Variants in CRISP1 observed in about 807,000 individuals in gnomAD.
The protein encoded by CRISP1 is cysteine rich secretory protein 1.
CRISP1 carries 44 observed loss-of-function variants against 33.1 expected under a neutral mutation model. That is an observed-to-expected ratio of 1.33 (90% confidence interval 1.05 to 1.71). The LOEUF (loss-of-function observed/expected upper bound fraction) is 1.71, where lower values mean the gene tolerates loss of function less well. Ranked by LOEUF, CRISP1 falls within the 40% of genes most tolerant of loss-of-function variation. CRISP1 has a pLI of 0.00. For synonymous variants in CRISP1, 103 were observed against 98.7 expected, an observed-to-expected ratio of 1.04 and a Z score of -0.26; for missense variants, 390 against 301.2, an observed-to-expected ratio of 1.29 and a Z score of -2.18.
Position 49,857,355 on chromosome 6 carries a change from G to A in CRISP1, c.46C>T (p.Leu16=). Residue 16 remains leucine (L), a synonymous_variant, in exon 2 of 8, where the codon CTG becomes TTG. Coordinates refer to ENST00000335847, the MANE Select transcript of CRISP1 (RefSeq NM_001131.3). ...LLFLVAAACL[L]PMLSMKKKSA... ...CATACTTTCATGGACAACATAGGCA[G>A]TAAGCAAGCAGCAGCAACCAAAAAC... is the stretch of plus-strand genomic sequence containing the variant. The A allele has an allele frequency of 3.1e-6, 5 of 1,613,004 alleles. No homozygotes were observed. Among genetic ancestry groups the A allele is most frequent in the Non-Finnish European group, 3.4e-6 (4 of 1,179,264 alleles).
intron 1 of CRISP1, among the ~76,000 whole-genome samples, chr6:49,862,604 G>A (rs1370882509): frequency 6.6e-6 from 1 of 152,084 alleles, no homozygotes; most frequent in East Asian, 1.9e-4. Context: ...TCTTGAGAAT[G>A]ATTATGGGAT....
chr6:49,847,046 A>C (rs542894496), intron 4 of CRISP1, among the ~76,000 whole-genome samples: 2 of 152,132 alleles, frequency 1.3e-5, no homozygotes, highest in African/African-American at 4.8e-5. Context: ...TTGAATAAAC[A>C]TTTGTTTATT....
At chr6:49,844,820 TG>T in intron 5 of CRISP1, among the ~76,000 whole-genome samples, 1 of 152,338 alleles carries the variant, frequency 6.6e-6, no homozygotes. Flanking sequence ...CCTGTCTTTC[TG>T]TTGTACTATG....
intron 1 of CRISP1, among the ~76,000 whole-genome samples, chr6:49,875,320 T>TAAAATA (rs1772013072): frequency 6.6e-6 from 1 of 151,136 alleles, no homozygotes; most frequent in Non-Finnish European, 1.5e-5. Flanking sequence ...CACAATTGCT[T>TAAAATA]CCTAGGAATA....
chr6:49,856,850 T>C (rs1426704673), intron 2 of CRISP1, among the ~76,000 whole-genome samples: 1 of 152,154 alleles, frequency 6.6e-6, no homozygotes, highest in Non-Finnish European at 1.5e-5. Flanking sequence ...GTGAGATTAT[T>C]GTTTTTAATT....
chr6:49,863,975 T>C (rs1322823660), intron 1 of CRISP1, among the ~76,000 whole-genome samples: 2 of 152,194 alleles, frequency 1.3e-5, no homozygotes, highest in Non-Finnish European at 2.9e-5. Context: ...GATTTACAAC[T>C]ATGTATATGC....
chr6:49,867,649 A>G (rs950446054), upstream of CRISP1, among the ~76,000 whole-genome samples: 1 of 152,030 alleles, frequency 6.6e-6, no homozygotes, highest in Non-Finnish European at 1.5e-5. Context: ...TGTCCAGAAA[A>G]CCATCTGCAG....
intron 1 of CRISP1, among the ~76,000 whole-genome samples, chr6:49,860,173 G>A (rs1771607765): frequency 6.6e-6 from 1 of 152,012 alleles, no homozygotes; most frequent in South Asian, 2.1e-4. Flanking sequence ...CTATAATAGT[G>A]GGGACTTCAA....
At chr6:49,863,882 G>A (rs894671444) in intron 1 of CRISP1, among the ~76,000 whole-genome samples, 6 of 152,178 alleles carry the variant, frequency 3.9e-5, no homozygotes, top group African/African-American at 1.4e-4. Context: ...TCACCTCAGT[G>A]AATCTGTTAT....
In CRISP1 at chr6:49,857,403, C is replaced by T. The variant is rs753795933; in HGVS notation, c.-2-1G>A. ...AACAAGAGGTGTTTAATTTCCATCC[C>T]TGAAAGAAAAATAACACAATTTTAG... On this transcript the variant is annotated splice_acceptor_variant, in intron 1 of 7. Coordinates refer to ENST00000335847, the MANE Select transcript of CRISP1 (RefSeq NM_001131.3). LOFTEE classifies it low-confidence loss of function (5UTR_SPLICE). The T allele has an allele frequency of 3.1e-6, 5 of 1,611,674 alleles. No homozygotes were observed. Among genetic ancestry groups the T allele is most frequent in the Non-Finnish European group, 4.2e-6 (5 of 1,178,492 alleles).
At chr6:49,874,188 T>C (rs911426619) in intron 1 of CRISP1, among the ~76,000 whole-genome samples, 2 of 152,106 alleles carry the variant, frequency 1.3e-5, no homozygotes, top group African/African-American at 4.8e-5. Context: ...TAGTTATTAC[T>C]ATCAATGATA....
At chr6:49,872,845 G>A (rs945289263) in intron 1 of CRISP1, among the ~76,000 whole-genome samples, 4 of 152,102 alleles carry the variant, frequency 2.6e-5, no homozygotes, top group African/African-American at 7.2e-5. Context: ...GATGCCTCCA[G>A]CTTTGTTCTT....
At chr6:49,858,203 A>T (rs1771546616) in intron 1 of CRISP1, among the ~76,000 whole-genome samples, 1 of 152,198 alleles carries the variant, frequency 6.6e-6, no homozygotes, top group South Asian at 2.1e-4. Flanking sequence ...CATGGTTGTC[A>T]TTATGAGTCA....
chr6:49,857,744 C>T (rs182050540), intron 1 of CRISP1, among the ~76,000 whole-genome samples: 4 of 152,170 alleles, frequency 2.6e-5, no homozygotes, highest in Non-Finnish European at 4.4e-5. Context: ...CCTAGGTGGA[C>T]CCAATGTAAT....
intron 1 of CRISP1, among the ~76,000 whole-genome samples, chr6:49,861,611 C>T (rs1024730241): frequency 1.4e-4 from 22 of 152,094 alleles, no homozygotes; most frequent in Admixed American, 8.5e-4. Context: ...CGGCCAGGCA[C>T]GGTAACTCAC....
intron 1 of CRISP1, among the ~76,000 whole-genome samples, chr6:49,873,696 G>T (rs1234757511): frequency 1.3e-5 from 2 of 151,984 alleles, no homozygotes; most frequent in Non-Finnish European, 2.9e-5. Context: ...ATTATGTATT[G>T]CTTATATTAT....
At chr6:49,875,912 A>G (rs1297196455) in intron 1 of CRISP1, among the ~76,000 whole-genome samples, 2 of 152,150 alleles carry the variant, frequency 1.3e-5, no homozygotes, top group Admixed American at 1.3e-4. Context: ...TGGATTAAAG[A>G]CTTAAACGTC....
intron 2 of CRISP1, among the ~76,000 whole-genome samples, chr6:49,855,844 C>T (rs1222523127): frequency 6.6e-6 from 1 of 152,068 alleles, no homozygotes. Flanking sequence ...AAAAAGAAAG[C>T]ATAATACTAC....
In CRISP1 at chr6:49,834,743, CT is replaced by C. The variant is rs1770726626; in HGVS notation, c.*572del. The C allele has an allele frequency of 6.6e-6, 1 of 151,968 alleles. No individual in the cohort carries two copies. Among genetic ancestry groups the C allele is most frequent in the East Asian group, 1.9e-4 (1 of 5,178 alleles). The allele number at this position is 151,968 out of a possible 1,614,324, so 9.4% of individuals were successfully genotyped here. ...TTTGTTAAATTAATGGCATACGAAG[CT>C]TTTTTATTGTTTCTTGCTTCACAAA... On this transcript the variant is annotated 3_prime_UTR_variant, in exon 8 of 8. Coordinates refer to ENST00000335847, the MANE Select transcript of CRISP1 (RefSeq NM_001131.3).
Sources: allele counts gnomAD v4.1 joint callset (sites outside exome capture counted in the v4.1 genomes callset), GRCh38; gene constraint gnomAD v4.1.1; transcripts MANE v1.5; gene names NCBI Gene and HGNC (gene_info 2026-07-23, HGNC 2026-07-21).